PHF21A: variants seen among roughly 807,000 people sequenced by gnomAD.
The protein encoded by PHF21A is PHD finger protein 21A, also known as BHC80a.
A neutral mutation model predicts 82.5 loss-of-function variants in PHF21A; 11 were observed. The observed-to-expected ratio is 0.13, with a 90% CI of 0.08 to 0.22. The LOEUF is 0.22. Among genes scored for constraint, PHF21A ranks in the 10% least tolerant of loss-of-function variants. The pLI is 1.00. For missense variants in PHF21A, 579 were observed against 837.8 expected (o/e 0.69, Z 3.81); for synonymous variants, 297 against 302.8 (o/e 0.98, Z 0.20).
intron 6 of PHF21A, among the ~76,000 whole-genome samples, chr11:46,057,004 CA>C (rs1010354324): frequency 3.3e-5 from 5 of 151,614 alleles, no homozygotes. Context: ...AAAAAAAAGT[CA>C]AGATGGTTAT....
chr11:46,102,089 CT>C (rs1331028051), intron 1 of PHF21A, among the ~76,000 whole-genome samples: 1 of 152,134 alleles, frequency 6.6e-6, no homozygotes, highest in African/African-American at 2.4e-5. Flanking sequence ...AACTCCTGAC[CT>C]TGTGATCCAC....
At chr11:45,990,969 A>C (rs375997507) in intron 6 of PHF21A, among the ~76,000 whole-genome samples, 3 of 152,324 alleles carry the variant, frequency 2.0e-5, no homozygotes, top group East Asian at 3.9e-4. Context: ...ATAATGACAT[A>C]CAGCCACCAT....
At chr11:46,101,876 T>A (rs941158406) in intron 1 of PHF21A, among the ~76,000 whole-genome samples, 46 of 151,022 alleles carry the variant, frequency 3.0e-4, no homozygotes, top group African/African-American at 7.3e-4. Context: ...TTTTTTTTTT[T>A]AAATACGGAG....
chr11:46,002,783 A>G (rs895661220), intron 6 of PHF21A, among the ~76,000 whole-genome samples: 2 of 152,130 alleles, frequency 1.3e-5, no homozygotes, highest in Non-Finnish European at 2.9e-5. Context: ...CCACAGAACT[A>G]GTTTTATCTT....
chr11:45,935,019 T>C, intron 18 of PHF21A: 1 of 905,468 alleles, frequency 1.1e-6, no homozygotes, highest in South Asian at 1.4e-5. Context: ...ACCTACTCAA[T>C]GGAAAAGAAG....
At chr11:46,096,900 C>T (rs1490607368) in intron 1 of PHF21A, among the ~76,000 whole-genome samples, 1 of 152,150 alleles carries the variant, frequency 6.6e-6, no homozygotes, top group African/African-American at 2.4e-5. Context: ...GACTACCTCT[C>T]CCCTAACTTC....
chr11:46,088,444 AAAACCAAACACAC>A (rs1593053834), intron 3 of PHF21A, among the ~76,000 whole-genome samples: 2 of 151,992 alleles, frequency 1.3e-5, no homozygotes, highest in African/African-American at 4.8e-5. Context: ...ACAAAACATA[AAAACCAAACACAC>A]AAACCAAACA....
chr11:46,063,868 T>C (rs891643814), intron 6 of PHF21A, among the ~76,000 whole-genome samples: 1 of 152,174 alleles, frequency 6.6e-6, no homozygotes, highest in African/African-American at 2.4e-5. Context: ...AATCAGTTTT[T>C]ATGACAGATG....
intron 6 of PHF21A, among the ~76,000 whole-genome samples, chr11:46,016,354 C>CA (rs908508853): frequency 2.0e-4 from 31 of 152,204 alleles, no homozygotes; most frequent in African/African-American, 7.5e-4. Context: ...AGGCCCTTAA[C>CA]AACTATACTT....
chr11:46,066,286 T>C (rs1481077513), intron 6 of PHF21A, among the ~76,000 whole-genome samples: 1 of 152,212 alleles, frequency 6.6e-6, no homozygotes, highest in East Asian at 1.9e-4. Context: ...ATTAGTTACC[T>C]AGTGGTTTCA....
At chr11:45,994,597 C>T (rs886096408) in intron 6 of PHF21A, among the ~76,000 whole-genome samples, 1 of 152,170 alleles carries the variant, frequency 6.6e-6, no homozygotes, top group Non-Finnish European at 1.5e-5. Flanking sequence ...GCTGAATTTA[C>T]TTATCTCAGT....
chr11:45,995,112 T>C (rs1295560773), intron 6 of PHF21A, among the ~76,000 whole-genome samples: 11 of 152,160 alleles, frequency 7.2e-5, no homozygotes, highest in African/African-American at 2.7e-4. Context: ...TTCCATCCCC[T>C]TTATAAGAAT....
At chr11:45,967,989 G>C (rs1237883470) in intron 9 of PHF21A, among the ~76,000 whole-genome samples, 1 of 152,054 alleles carries the variant, frequency 6.6e-6, no homozygotes, top group East Asian at 1.9e-4. Flanking sequence ...ACAACAAGTG[G>C]GTCATGATCC....
intron 9 of PHF21A, among the ~76,000 whole-genome samples, chr11:45,968,948 A>T (rs904131224): frequency 8.0e-6 from 1 of 124,378 alleles, no homozygotes; most frequent in African/African-American, 3.2e-5. Context: ...AAAAAAAAAA[A>T]AAAAAAAAAT....
At chr11:45,952,091 C>T (rs914539762) in intron 11 of PHF21A, among the ~76,000 whole-genome samples, 7 of 152,196 alleles carry the variant, frequency 4.6e-5, no homozygotes, top group Non-Finnish European at 8.8e-5. Flanking sequence ...AGGCGTGAGC[C>T]ACCGCGCCCA....
chr11:46,091,286 A>T (rs1233946054), intron 2 of PHF21A, among the ~76,000 whole-genome samples: 5 of 152,222 alleles, frequency 3.3e-5, no homozygotes, highest in Admixed American at 3.3e-4. Context: ...ACCCTATTCC[A>T]GCTATCTTAT....
At chr11:45,970,945 A>T in intron 8 of PHF21A, 171 bp downstream of exon 8, 1 of 742,870 alleles carries the variant, frequency 1.3e-6, no homozygotes, top group Non-Finnish European at 2.1e-6. Flanking sequence ...TAGTGATTTG[A>T]GCAGATAGCA....
rs1228493677 is a variant in PHF21A, at chr11:46,067,498, T to C, written c.153+9256A>G. Reference sequence around the variant, plus strand: ...AATAAAAACTGTCCTTTTCTGAAACTAAGATAAAGCTGCTCTAAATTGGAA... The same window carrying C: ...AATAAAAACTGTCCTTTTCTGAAACCAAGATAAAGCTGCTCTAAATTGGAA... On this transcript the variant is annotated intron_variant, in intron 6 of 18. Transcript: ENST00000676320. 3.3e-5 allele frequency among the ~76,000 whole-genome samples: 5 copies of C among 150,978 alleles called. No homozygotes were observed. In the Middle Eastern group the frequency reaches 0.01, roughly 315 times the overall value.
intron 7 of PHF21A, among the ~76,000 whole-genome samples, chr11:45,975,002 T>C (rs553562445): frequency 6.6e-6 from 1 of 152,234 alleles, no homozygotes; most frequent in East Asian, 1.9e-4. Context: ...CTGCCAAATA[T>C]GAAGTATTGA....
Sources: gnomAD v4.1 joint callset for allele counts (sites outside exome capture counted in the v4.1 genomes callset) on GRCh38, gnomAD v4.1.1 for gene constraint, MANE v1.5 for transcripts, NCBI Gene and HGNC (gene_info 2026-07-23, HGNC 2026-07-21) for gene names.